Variants in IQSEC3 observed in about 807,000 individuals in gnomAD.
IQSEC3 encodes the protein IQ motif and Sec7 domain ArfGEF 3, also known as IQ motif and SEC7 domain-containing protein 3.
Under a neutral mutation model 105.4 loss-of-function variants are expected in IQSEC3, and 50 were observed. The observed-to-expected ratio is 0.47, with a 90% CI of 0.38 to 0.60. IQSEC3 has a LOEUF of 0.60. Among genes scored for constraint, IQSEC3 ranks in the 20% least tolerant of loss-of-function variants. The pLI is 0.00. For missense variants in IQSEC3, 1,415 were observed against 1,630.0 expected, an observed-to-expected ratio of 0.87 and a Z score of 2.27; for synonymous variants, 708 against 746.0, an observed-to-expected ratio of 0.95 and a Z score of 0.83.
chr12:71,527 T>A (rs550280787), intron 1 of IQSEC3, among the ~76,000 whole-genome samples: 45 of 152,384 alleles, frequency 3.0e-4, no homozygotes, highest in African/African-American at 1.1e-3. Flanking sequence ...AAGAGCAGGT[T>A]TTCTTCACTG....
intron 3 of IQSEC3, among the ~76,000 whole-genome samples, chr12:127,444 A>G (rs1179908956): frequency 1.3e-5 from 2 of 152,178 alleles, no homozygotes; most frequent in Admixed American, 1.3e-4. Flanking sequence ...TGAATGCGGG[A>G]GGCGGAGGTT....
intron 1 of IQSEC3, among the ~76,000 whole-genome samples, chr12:78,016 G>A (rs1447650894): frequency 3.3e-5 from 5 of 151,232 alleles, no homozygotes; most frequent in African/African-American, 1.2e-4. Context: ...GCACCCCGGC[G>A]CGGGGAAGCC....
At chr12:108,522 G>A (rs143873651) in intron 2 of IQSEC3, among the ~76,000 whole-genome samples, 196 of 152,298 alleles carry the variant, frequency 1.3e-3, no homozygotes, top group African/African-American at 3.9e-3. Flanking sequence ...TCATTCCATC[G>A]AGTAGTGGAA....
At chr12:125,546 G>C (rs1390632580) in intron 2 of IQSEC3, 87 bp from the exon 3 acceptor site, 109 of 1,328,488 alleles carry the variant, frequency 8.2e-5, no homozygotes, top group Non-Finnish European at 1.0e-4. Context: ...GCAGGCCAGA[G>C]TGCCTAGCTT....
At chr12:110,530 T>C (rs1190161447) in intron 2 of IQSEC3, among the ~76,000 whole-genome samples, 2 of 151,888 alleles carry the variant, frequency 1.3e-5, no homozygotes, top group Non-Finnish European at 2.9e-5. Flanking sequence ...ATCTCTGAGG[T>C]TATTGTTATC....
intron 2 of IQSEC3, among the ~76,000 whole-genome samples, chr12:112,705 T>C (rs1455891539): frequency 3.3e-5 from 5 of 152,102 alleles, no homozygotes. Context: ...AAGAAGGCAT[T>C]CTGCATGGCC....
intron 3 of IQSEC3, among the ~76,000 whole-genome samples, chr12:131,099 CGCCATCTTTCAGCG>C (rs1865583698): frequency 6.9e-6 from 1 of 144,032 alleles, no homozygotes; most frequent in Admixed American, 7.3e-5. Flanking sequence ...CTGGCTTGGC[CGCCATCTTTCAGCG>C]GCCTCTTCAG....
chr12:143,973 A>C (rs1866152708), intron 5 of IQSEC3: 1 of 153,766 alleles, frequency 6.5e-6, no homozygotes, highest in African/African-American at 2.4e-5. Flanking sequence ...AGGGGCCTCC[A>C]GCCGGAACCC....
At position 81,241 on chromosome 12, in the gene IQSEC3, CCT is replaced by C. The variant is rs200936952; in HGVS notation, c.554+13806_554+13807del. Among the ~76,000 whole-genome samples the C allele has an allele frequency of 9.6e-3, 1,466 of 152,230 alleles. 21 individuals carry two copies. The highest frequency in any genetic ancestry group is 0.034 in the African/African-American group (1,392 of 41,522). On this transcript the variant is annotated intron_variant, in intron 1 of 13. Transcript: ENST00000538872. ...GAAGAATTTTCCTGCCAGAAATGCC[CCT>C]GTTTCTTGTTGTTGAGGGCATTGGA...
intron 1 of IQSEC3, among the ~76,000 whole-genome samples, chr12:70,939 C>A (rs567380024): frequency 3.5e-4 from 53 of 152,394 alleles, no homozygotes; most frequent in African/African-American, 1.1e-3. Flanking sequence ...GCCTCACTAC[C>A]CTTTTTCCTT....
chr12:169,135 TCC>T, intron 12 of IQSEC3, 30 bp downstream of exon 12: 1 of 1,598,044 alleles, frequency 6.3e-7, no homozygotes, highest in Non-Finnish European at 8.6e-7. Context: ...AGGGCACCAG[TCC>T]CCATGGAGGC....
intron 1 of IQSEC3, among the ~76,000 whole-genome samples, chr12:74,024 T>C (rs1191650045): frequency 3.3e-5 from 5 of 152,280 alleles, no homozygotes; most frequent in Admixed American, 2.0e-4. Context: ...ATCTGAGTTA[T>C]CACCCGATGC....
intron 2 of IQSEC3, among the ~76,000 whole-genome samples, chr12:121,939 G>A (rs1284817264): frequency 6.6e-5 from 10 of 152,080 alleles, no homozygotes; most frequent in African/African-American, 1.9e-4. Context: ...TAGCAGAGCC[G>A]GGATTCTAAC....
At chr12:105,037 GGGTC>G (rs1864597200) in intron 2 of IQSEC3, among the ~76,000 whole-genome samples, 2 of 152,260 alleles carry the variant, frequency 1.3e-5, no homozygotes, top group Non-Finnish European at 2.9e-5. Context: ...GCGGCAGCGT[GGGTC>G]GGTCGGGCGG....
chr12:151,788 G>T (rs1866520025), intron 5 of IQSEC3, among the ~76,000 whole-genome samples: 1 of 152,202 alleles, frequency 6.6e-6, no homozygotes, highest in Non-Finnish European at 1.5e-5. Flanking sequence ...GGTCCTTGAA[G>T]CTCCTCCCTG....
intron 12 of IQSEC3, among the ~76,000 whole-genome samples, chr12:169,988 G>A (rs1363055351): frequency 6.6e-6 from 1 of 152,216 alleles, no homozygotes; most frequent in Non-Finnish European, 1.5e-5. Context: ...AGTGGGCCCC[G>A]TGTGGTCCAT....
At chr12:69,848 A>T (rs1339455840) in intron 1 of IQSEC3, among the ~76,000 whole-genome samples, 1 of 152,196 alleles carries the variant, frequency 6.6e-6, no homozygotes, top group Admixed American at 6.5e-5. Flanking sequence ...CCCGTTTTGT[A>T]TGTTTGTTCT....
intron 13 of IQSEC3, among the ~76,000 whole-genome samples, chr12:172,167 G>GCC (rs1293274838): frequency 1.3e-5 from 2 of 152,242 alleles, no homozygotes; most frequent in East Asian, 3.9e-4. Context: ...GTCTGACTAA[G>GCC]CCCTGGGAAG....
In IQSEC3 at chr12:145,995, T is replaced by C. The variant is rs559542398; in HGVS notation, c.2153+4710T>C. 3.9e-5 allele frequency among the ~76,000 whole-genome samples: 6 copies of C among 152,354 alleles called. No individual in the cohort carries two copies. In the South Asian group the frequency reaches 1.2e-3, roughly 32 times the overall value. The stretch of plus-strand genomic sequence containing the variant: ...CTTCCTGGGTGTTCCTTCCCTCCAC[T>C]GCGTCTGCTCCATCCTTTGTTAAAT... On this transcript the variant is annotated intron_variant, in intron 5 of 13. Coordinates refer to ENST00000538872, the MANE Select transcript of IQSEC3 (RefSeq NM_001170738.2).
Sources: allele counts gnomAD v4.1 joint callset (sites outside exome capture counted in the v4.1 genomes callset), GRCh38; gene constraint gnomAD v4.1.1; transcripts MANE v1.5; gene names NCBI Gene and HGNC (gene_info 2026-07-23, HGNC 2026-07-21).